EFCAB12: variants seen among roughly 807,000 people sequenced by gnomAD.
EFCAB12 encodes EF-hand calcium binding domain 12.
EFCAB12 carries 43 observed loss-of-function variants against 53.6 expected under a neutral mutation model. The ratio of observed to expected loss-of-function variants is 0.80; its 90% CI spans 0.63 to 1.03. The LOEUF (loss-of-function observed/expected upper bound fraction) is 1.03. EFCAB12 is among the 50% of genes least tolerant of loss of function. EFCAB12 has a pLI of 0.00. For missense variants in EFCAB12, 646 were observed against 730.6 expected (o/e 0.88, Z 1.34); for synonymous variants, 269 against 289.2 (o/e 0.93, Z 0.71).
At chr3:129,427,735 G>C (rs1214103569) in intron 1 of EFCAB12, among the ~76,000 whole-genome samples, 1 of 152,148 alleles carries the variant, frequency 6.6e-6, no homozygotes, top group Admixed American at 6.5e-5. Context: ...CTCAGTCTCA[G>C]GTCTTTTCTG....
At chr3:129,405,993 G>A (rs1236694599) in intron 6 of EFCAB12, among the ~76,000 whole-genome samples, 2 of 151,544 alleles carry the variant, frequency 1.3e-5, no homozygotes, top group Non-Finnish European at 2.9e-5. Context: ...TGGGACGATC[G>A]CTTGAGCCCA....
chr3:129,406,866 G>GTT (rs57346398), intron 6 of EFCAB12, among the ~76,000 whole-genome samples: 7 of 140,932 alleles, frequency 5.0e-5, no homozygotes, highest in Non-Finnish European at 4.6e-5. Context: ...ATTTTGGTGG[G>GTT]TTTTTTTTTT....
At chr3:129,422,511 G>A (rs1481162432) in intron 1 of EFCAB12, among the ~76,000 whole-genome samples, 1 of 152,018 alleles carries the variant, frequency 6.6e-6, no homozygotes, top group Non-Finnish European at 1.5e-5. Context: ...TTGCTGAGTG[G>A]TCCAAGCCTC....
At chr3:129,410,790 A>G (rs947235961) in intron 5 of EFCAB12, among the ~76,000 whole-genome samples, 1 of 152,308 alleles carries the variant, frequency 6.6e-6, no homozygotes, top group East Asian at 1.9e-4. Flanking sequence ...AATTCATGCA[A>G]TCAATCCTTC....
chr3:129,416,067 G>A (rs985169548), intron 3 of EFCAB12, among the ~76,000 whole-genome samples: 2 of 152,214 alleles, frequency 1.3e-5, no homozygotes, highest in Non-Finnish European at 2.9e-5. Context: ...ACAGACATGA[G>A]CCACTGTGCC....
intron 4 of EFCAB12, chr3:129,414,512 G>A (rs1021485801): frequency 2.0e-5 from 3 of 152,240 alleles, no homozygotes; most frequent in African/African-American, 2.4e-5. Context: ...ACAAAGCTGT[G>A]GCTATGTTTG....
Position 129,418,437 on chromosome 3 carries a change from G to T in EFCAB12, c.498C>A (p.Pro166=). ...ATTRTTRKKA[P]RLSRLSRQMV... is the part of the protein sequence containing the mutation. Reference sequence around the variant, plus strand: ...TCTGGCGGGACAGCCGGGAGAGCCTGGGGGCTTTCTTCTGGAAGAGGTGAG... The same window carrying T: ...TCTGGCGGGACAGCCGGGAGAGCCTTGGGGCTTTCTTCTGGAAGAGGTGAG... Residue 166 remains proline, a synonymous_variant, in exon 3 of 9, where the codon CCC becomes CCA. Transcript: ENST00000505956. The T allele has an allele frequency of 1.2e-6, 2 of 1,606,870 alleles. No homozygotes were observed. The highest frequency in any genetic ancestry group is 1.7e-6 in the Non-Finnish European group (2 of 1,176,516).
chr3:129,425,984 C>T (rs72986942), intron 1 of EFCAB12, among the ~76,000 whole-genome samples: 6,198 of 152,288 alleles, frequency 0.041, 380 homozygotes, highest in African/African-American at 0.12. Flanking sequence ...TAGTCCTCCC[C>T]ATGGATGTCC....
Position 129,415,278 on chromosome 3 carries a change from G to A in EFCAB12, c.805C>T (p.Gln269Ter). Residue 269 changes from glutamine (Q) to a stop codon, truncating the protein, a stop_gained, in exon 4 of 9, where the codon CAG (glutamine) becomes TAG (stop). Coordinates refer to ENST00000505956, the MANE Select transcript of EFCAB12 (RefSeq NM_207307.3). LOFTEE classifies it high-confidence loss of function. ...ANTYKQWSMA[Q>*]QRSSLATARE... ...GCAGTGGCCAGGCTGCTCCTTTGCT[G>A]AGCCATAGACCACTGCTTGTAGGTA... 6.2e-7 allele frequency: 1 copy of A among 1,611,158 alleles called. No individual in the cohort carries two copies. Among genetic ancestry groups the A allele is most frequent in the Non-Finnish European group, 8.5e-7 (1 of 1,179,214 alleles).
chr3:129,401,377 G>C lies in EFCAB12; in HGVS notation c.*216C>G, dbSNP rs1372126951. The C allele has an allele frequency of 1.8e-6, 1 of 558,006 alleles. No homozygotes were observed. The highest frequency in any genetic ancestry group is 3.6e-5 in the Admixed American group (1 of 27,606). The allele number at this position is 558,006 out of a possible 1,614,324, so 34.6% of individuals were successfully genotyped here. A position where few individuals can be genotyped will look rare whatever the true frequency, so the allele number is the denominator to read the frequency against. The stretch of plus-strand genomic sequence containing the variant: ...TAGAAAGGGCAGAGGTCAGGGGAGG[G>C]AAATAGTCAAAAACTGCACGTCATT... On this transcript the variant is annotated 3_prime_UTR_variant, in exon 9 of 9. Transcript: ENST00000505956.
intron 5 of EFCAB12, among the ~76,000 whole-genome samples, chr3:129,409,634 C>T (rs2072004960): frequency 6.6e-6 from 1 of 152,086 alleles, no homozygotes; most frequent in Non-Finnish European, 1.5e-5. Context: ...GCTTCTAAAA[C>T]CAGAATCAGC....
At chr3:129,404,425 T>G (rs1386235683) in intron 6 of EFCAB12, 22 bp from the exon 7 acceptor site, 2 of 1,598,544 alleles carry the variant, frequency 1.3e-6, no homozygotes, top group African/African-American at 2.7e-5. Context: ...AAGAGAAACA[T>G]CTGCACCCAT....
chr3:129,409,017 A>C (rs1410961399), intron 5 of EFCAB12, among the ~76,000 whole-genome samples, 159 bp from the exon 6 acceptor site: 1 of 152,198 alleles, frequency 6.6e-6, no homozygotes, highest in Non-Finnish European at 1.5e-5. Context: ...TCCGGTTCTG[A>C]AGTCAGTGAA....
chr3:129,402,399 G>T, intron 8 of EFCAB12, 124 bp downstream of exon 8: 1 of 1,053,316 alleles, frequency 9.5e-7, no homozygotes, highest in Non-Finnish European at 1.4e-6. Context: ...TTGTGTCACT[G>T]CCTCTCAGGC....
Position 129,409,266 on chromosome 3 carries a change from A to G in EFCAB12, c.1036-408T>C, listed in dbSNP as rs148116212. 2.3e-3 allele frequency among the ~76,000 whole-genome samples: 351 copies of G among 152,310 alleles called. 1 individual carries two copies. Among genetic ancestry groups the G allele is most frequent in the Non-Finnish European group, 3.7e-3 (249 of 68,022 alleles). On this transcript the variant is annotated intron_variant, in intron 5 of 8. Coordinates refer to ENST00000505956, the MANE Select transcript of EFCAB12 (RefSeq NM_207307.3). The stretch of plus-strand genomic sequence containing the variant: ...GGAGTCCGAGATCAGCCTGGGCAAC[A>G]TGGCAAAACTCTGTCTCTACAAAAA...
At chr3:129,422,621 T>G (rs1333979935) in intron 1 of EFCAB12, among the ~76,000 whole-genome samples, 1 of 152,154 alleles carries the variant, frequency 6.6e-6, no homozygotes. Flanking sequence ...GTCCCATCTT[T>G]GCATCACAAC....
At chr3:129,402,603 T>TTGTG in intron 7 of EFCAB12, 24 bp from the exon 8 acceptor site, 1 of 1,608,010 alleles carries the variant, frequency 6.2e-7, no homozygotes, top group Non-Finnish European at 8.5e-7. Flanking sequence ...GAGAGGCATT[T>TTGTG]TGTGAGGAGA....
At chr3:129,406,884 A>G (rs2071960265) in intron 6 of EFCAB12, among the ~76,000 whole-genome samples, 1 of 147,642 alleles carries the variant, frequency 6.8e-6, no homozygotes, top group Non-Finnish European at 1.5e-5. Context: ...TTTTTTTGAC[A>G]GGGTCTCGCT....
chr3:129,408,781 G>A lies in EFCAB12; in HGVS notation c.1113C>T (p.Cys371=). ...TATCCCCGTGGATGGTGGACGGGAG[G>A]CAGTGCTCATCAAAGTGCCGATTCC... The part of the protein sequence containing the change: ...RCGNRHFDEH[C]LPSTIHGDMR... The change falls in exon 6 of 9, where the codon TGC becomes TGT. Residue 371 remains cysteine (C), a synonymous_variant. Transcript: ENST00000505956. 4 of 1,578,424 alleles carry A rather than the reference G, an allele frequency of 2.5e-6. No homozygotes were observed. Among genetic ancestry groups the A allele is most frequent in the South Asian group, 2.3e-5 (2 of 85,898 alleles).
Sources: allele counts gnomAD v4.1 joint callset (sites outside exome capture counted in the v4.1 genomes callset), GRCh38; gene constraint gnomAD v4.1.1; transcripts MANE v1.5; gene names NCBI Gene and HGNC (gene_info 2026-07-23, HGNC 2026-07-21).